AKR1A1: variants seen among roughly 807,000 people sequenced by gnomAD.
AKR1A1 encodes the protein aldo-keto reductase family 1 member A1, also known as HEL-S-165mP.
A neutral mutation model predicts 39.2 loss-of-function variants in AKR1A1; 26 were observed. That is an observed-to-expected ratio of 0.66 (90% CI 0.49 to 0.92). The LOEUF (loss-of-function observed/expected upper bound fraction) is 0.92, where lower values mean the gene tolerates loss of function less well. AKR1A1 is among the 40% of genes least tolerant of loss of function. The pLI is 0.00. For missense variants in AKR1A1, 378 were observed against 406.5 expected, an observed-to-expected ratio of 0.93 and a Z score of 0.60; for synonymous variants, 141 against 155.5, an observed-to-expected ratio of 0.91 and a Z score of 0.69.
chr1:45,554,760 A>T (rs1295420697), intron 1 of AKR1A1, among the ~76,000 whole-genome samples: 2 of 152,090 alleles, frequency 1.3e-5, no homozygotes, highest in Non-Finnish European at 2.9e-5. Flanking sequence ...GTGTGATTTC[A>T]GCTCATTGCA....
rs1644344864 is a variant in AKR1A1 at position 45,566,467 on chromosome 1, GTTA to G, written c.85-100_85-98del. On this transcript the variant is annotated intron_variant, in intron 2 of 8. Transcript: ENST00000351829. ...TCACCTCCACTGCATAGATGTGCCT[GTTA>G]TATTTCTGAGCCCCCTTCCCCCAGC... The G allele has an allele frequency of 2.0e-6, 3 of 1,528,496 alleles. No homozygotes were observed. In the South Asian group the frequency reaches 3.7e-5, roughly 19 times the overall value. 94.7% of individuals were successfully genotyped at this position (1,528,496 alleles called of 1,614,324 possible). A position where few individuals can be genotyped will look rare whatever the true frequency, so the allele number is the denominator to read the frequency against.
chr1:45,560,622 C>A (rs1644264895), intron 1 of AKR1A1, among the ~76,000 whole-genome samples: 1 of 152,132 alleles, frequency 6.6e-6, no homozygotes, highest in Non-Finnish European at 1.5e-5. Context: ...AAAAAGAGTT[C>A]CTTTTTTAGG....
At chr1:45,561,535 C>G (rs1644277566) in intron 1 of AKR1A1, among the ~76,000 whole-genome samples, 1 of 152,170 alleles carries the variant, frequency 6.6e-6, no homozygotes, top group Non-Finnish European at 1.5e-5. Flanking sequence ...CCCCGAGCAG[C>G]TGGGACTACA....
At chr1:45,552,422 C>T (rs1472559379) in intron 1 of AKR1A1, 1 of 152,008 alleles carries the variant, frequency 6.6e-6, no homozygotes. Flanking sequence ...ACAGTGTTTC[C>T]TTTTGTTGCC....
At chr1:45,568,261 ATAGC>A in intron 5 of AKR1A1, 84 bp downstream of exon 5, 1 of 1,453,036 alleles carries the variant, frequency 6.9e-7, no homozygotes. Context: ...CTTAAGGGAG[ATAGC>A]TAGCAAGTTG....
chr1:45,553,069 G>C (rs1368821673), intron 1 of AKR1A1, among the ~76,000 whole-genome samples: 2 of 151,336 alleles, frequency 1.3e-5, no homozygotes, highest in African/African-American at 4.9e-5. Flanking sequence ...AGATTGCAGT[G>C]AGCCGAGATC....
At chr1:45,566,160 G>A (rs189113427) in intron 2 of AKR1A1, among the ~76,000 whole-genome samples, 149 of 152,028 alleles carry the variant, frequency 9.8e-4, no homozygotes, top group Middle Eastern at 6.8e-3. Context: ...CGAGGCTGAA[G>A]TGCAGTGGCA....
At chr1:45,555,491 A>G (rs1472479043) in intron 1 of AKR1A1, among the ~76,000 whole-genome samples, 2 of 152,342 alleles carry the variant, frequency 1.3e-5, no homozygotes, top group Non-Finnish European at 2.9e-5. Context: ...GTGTCTAAAA[A>G]AAAAAAAAAT....
chr1:45,554,570 C>T (rs1270875616), intron 1 of AKR1A1, among the ~76,000 whole-genome samples: 1 of 152,110 alleles, frequency 6.6e-6, no homozygotes, highest in Non-Finnish European at 1.5e-5. Context: ...CAGAGTGAGA[C>T]CCTGTCTCAA....
intron 2 of AKR1A1, among the ~76,000 whole-genome samples, chr1:45,564,637 T>G (rs1407084692): frequency 6.6e-6 from 1 of 152,070 alleles, no homozygotes; most frequent in East Asian, 1.9e-4. Flanking sequence ...CCAGAGTCTG[T>G]CTACACAACT....
At chr1:45,563,650 G>A (rs551139760) in intron 2 of AKR1A1, among the ~76,000 whole-genome samples, 11 of 152,174 alleles carry the variant, frequency 7.2e-5, no homozygotes, top group East Asian at 3.9e-4. Context: ...TTAGCCAGGC[G>A]TGGTGGTGCA....
Position 45,566,616 on chromosome 1 carries a change from T to A in AKR1A1, c.132T>A (p.Ile44=), listed in dbSNP as rs745538083. ...CCCTTAGCGTAGGCTACCGCCACAT[T>A]GATTGTGCTGCTATCTACGGCAATG... ...KYALSVGYRH[I]DCAAIYGNEP... is the part of the protein sequence containing the mutation. The change falls in exon 3 of 9, where the codon ATT becomes ATA. Residue 44 remains isoleucine, a synonymous_variant. Transcript: ENST00000351829. 4.3e-6 allele frequency: 7 copies of A among 1,614,076 alleles called. No homozygotes were observed. Among genetic ancestry groups the A allele is most frequent in the Admixed American group, 1.7e-5 (1 of 60,004 alleles).
chr1:45,562,757 G>A (rs941749664), intron 2 of AKR1A1, among the ~76,000 whole-genome samples: 1 of 152,036 alleles, frequency 6.6e-6, no homozygotes, highest in Non-Finnish European at 1.5e-5. Context: ...AGATCCACCT[G>A]CCTTGGCCTC....
At chr1:45,569,350 A>G (rs1346663111) in intron 8 of AKR1A1, 121 bp downstream of exon 8, 1 of 796,864 alleles carries the variant, frequency 1.3e-6, no homozygotes, top group Non-Finnish European at 2.1e-6. Flanking sequence ...TGGGATTGCT[A>G]TGCTGGACAT....
rs1644384011 is a variant in AKR1A1, at chr1:45,569,193, G to C, written c.876G>C (p.Leu292=). The C allele has an allele frequency of 1.2e-6, 2 of 1,614,136 alleles. No homozygotes were observed. The highest frequency in any genetic ancestry group is 8.5e-7 in the Non-Finnish European group (1 of 1,179,994). The change falls in exon 8 of 9, where the codon CTG becomes CTC. Residue 292 remains leucine (L), a synonymous_variant. Coordinates refer to ENST00000351829, the MANE Select transcript of AKR1A1 (RefSeq NM_153326.3). ...SPEEMKQLNA[L]NKNWRYIVPM... ...AAGAGATGAAGCAGCTAAATGCCCT[G>C]AACAAAAATTGGAGATATATTGTGC...
At chr1:45,557,445 A>G (rs1445265421) in intron 1 of AKR1A1, among the ~76,000 whole-genome samples, 1 of 152,082 alleles carries the variant, frequency 6.6e-6, no homozygotes, top group Admixed American at 6.6e-5. Context: ...TCCATCTTTC[A>G]TCCCTGTTCC....
intron 8 of AKR1A1, among the ~76,000 whole-genome samples, chr1:45,569,555 T>G (rs1335025499): frequency 6.6e-6 from 1 of 152,136 alleles, no homozygotes; most frequent in Non-Finnish European, 1.5e-5. Flanking sequence ...GTAAATGATA[T>G]GAGGAGAGCC....
At chr1:45,563,114 AAGGT>A (rs558842761) in intron 2 of AKR1A1, among the ~76,000 whole-genome samples, 184 of 151,888 alleles carry the variant, frequency 1.2e-3, no homozygotes, top group African/African-American at 4.4e-3. Context: ...AAAAAAAAAA[AAGGT>A]AGGCTGGACA....
chr1:45,565,778 AT>A (rs75741001), intron 2 of AKR1A1, among the ~76,000 whole-genome samples: 4,646 of 140,998 alleles, frequency 0.033, 197 homozygotes, highest in African/African-American at 0.1. Context: ...CCTGGCCTTA[AT>A]TTTTTTTTTT....
Sources: gnomAD v4.1 joint callset for allele counts (sites outside exome capture counted in the v4.1 genomes callset) on GRCh38, gnomAD v4.1.1 for gene constraint, MANE v1.5 for transcripts, NCBI Gene and HGNC (gene_info 2026-07-23, HGNC 2026-07-21) for gene names.